NNT: variants seen among roughly 807,000 people sequenced by gnomAD.
NNT encodes the protein nicotinamide nucleotide transhydrogenase.
NNT carries 50 observed loss-of-function variants against 104.8 expected under a neutral mutation model. The ratio of observed to expected loss-of-function variants is 0.48; its 90% CI spans 0.38 to 0.60. The LOEUF is 0.60. Among genes scored for constraint, NNT ranks in the 20% least tolerant of loss-of-function variants. The pLI is 0.00. For synonymous variants in NNT, 461 were observed against 490.4 expected (o/e 0.94, Z 0.79); for missense variants, 1,131 against 1,330.7 (o/e 0.85, Z 2.33).
chr5:43,671,532 T>C (rs1233891913), intron 17 of NNT, among the ~76,000 whole-genome samples: 3 of 152,222 alleles, frequency 2.0e-5, no homozygotes, highest in Non-Finnish European at 4.4e-5. Flanking sequence ...TTATTTCTCC[T>C]TGACTTATGA....
chr5:43,676,159 C>G (rs1302639954), intron 18 of NNT, among the ~76,000 whole-genome samples: 1 of 152,164 alleles, frequency 6.6e-6, no homozygotes, highest in African/African-American at 2.4e-5. Context: ...CGATACCTCA[C>G]TTTTGTTCTT....
intron 19 of NNT, among the ~76,000 whole-genome samples, chr5:43,698,075 GAT>G (rs1021338983): frequency 6.6e-6 from 1 of 150,426 alleles, no homozygotes; most frequent in Non-Finnish European, 1.5e-5. Flanking sequence ...TTTCTCTTTG[GAT>G]ATATACACAC....
At chr5:43,704,227 ACT>A (rs1743000895) in intron 21 of NNT, 26 bp from the exon 22 acceptor site, 3 of 1,527,094 alleles carry the variant, frequency 2.0e-6, no homozygotes, top group African/African-American at 1.4e-5. Flanking sequence ...TGTTAAATAC[ACT>A]CTCTCATTTA....
rs553703784 is a variant in NNT, at chr5:43,650,391, A to G, written c.1607-86A>G. 1.1e-5 allele frequency: 10 copies of G among 916,342 alleles called. No individual in the cohort carries two copies. The South Asian group carries it at 1.5e-4, about 14-fold the overall frequency. 56.8% of individuals were successfully genotyped at this position (916,342 alleles called of 1,614,324 possible). A position where few individuals can be genotyped will look rare whatever the true frequency, so the allele number is the denominator to read the frequency against. Reference sequence around the variant, plus strand: ...ATATTGAGAACTTTACCCTCTATGAATCTATGTATGTGAGGTACTTCAGCT... The same window carrying G: ...ATATTGAGAACTTTACCCTCTATGAGTCTATGTATGTGAGGTACTTCAGCT... On this transcript the variant is annotated intron_variant, in intron 11 of 21. Transcript: ENST00000344920.
intron 20 of NNT, among the ~76,000 whole-genome samples, chr5:43,700,655 A>G (rs1243422467): frequency 1.3e-5 from 2 of 152,160 alleles, no homozygotes; most frequent in Non-Finnish European, 2.9e-5. Context: ...CTGGTTTTCA[A>G]TTGTACTAAC....
intron 17 of NNT, among the ~76,000 whole-genome samples, chr5:43,673,385 A>G (rs1656712610): frequency 6.6e-6 from 1 of 152,200 alleles, no homozygotes; most frequent in Non-Finnish European, 1.5e-5. Context: ...TCATGCTGGT[A>G]GCTGTAGACT....
At chr5:43,696,137 G>A (rs150417609) in intron 19 of NNT, among the ~76,000 whole-genome samples, 58 of 152,248 alleles carry the variant, frequency 3.8e-4, no homozygotes, top group Admixed American at 2.0e-4. Context: ...TATGAGACAA[G>A]GCAAGTCCCT....
rs916911266 is a variant in NNT at position 43,699,477 on chromosome 5, C to T, written c.2877-642C>T. Among the ~76,000 whole-genome samples, 31 of 151,802 alleles carry T rather than the reference C, an allele frequency of 2.0e-4. 1 individual carries two copies. Among genetic ancestry groups the T allele is most frequent in the African/African-American group, 7.5e-4 (31 of 41,260 alleles). ...CAAGTGAGTCTCCTGCCTCAGCCTC[C>T]TGAGTAGCTGGGATTACAGGTGCCC... On this transcript the variant is annotated intron_variant, in intron 19 of 21. Transcript: ENST00000344920.
Position 43,675,520 on chromosome 5 carries a change from C to T in NNT, c.2644C>T (p.Arg882Cys), listed in dbSNP as rs981702449. The T allele has an allele frequency of 6.8e-6, 11 of 1,609,220 alleles. No homozygotes were observed. The highest frequency in any genetic ancestry group is 2.2e-5 in the East Asian group (1 of 44,728). Reference protein sequence around the residue: ...LSYIMCVAMNRSLANVILGGY... With the variant: ...LSYIMCVAMNCSLANVILGGY... ...TAATTTGGCTTTCTAGGCAATGAAT[C>T]GCTCCCTGGCTAATGTGATTCTTGG... The change falls in exon 18 of 22, where the codon CGC (arginine) becomes TGC (cysteine). Residue 882 changes from arginine to cysteine, a missense_variant. Arg to Cys is a radical substitution (Grantham distance 180). Transcript: ENST00000344920.
chr5:43,655,938 G>A lies in NNT; in HGVS notation c.2158G>A (p.Ala720Thr), dbSNP rs960248110. 2 of 1,614,052 alleles carry A rather than the reference G, an allele frequency of 1.2e-6. No individual in the cohort carries two copies. Among genetic ancestry groups the A allele is most frequent in the South Asian group, 2.2e-5 (2 of 91,078 alleles). Residue 720 changes from alanine (A) to threonine (T), a missense_variant, in exon 15 of 22, where the codon GCT becomes ACT. By Grantham distance (58) the Ala-to-Thr change is moderately conservative (BLOSUM62 0). Transcript: ENST00000344920. Reference sequence around the variant, plus strand: ...TTTGGCAGCTGTACTTACTTGCATAGCTGAGTACATTATAGAATATCCACA... The same window carrying A: ...TTTGGCAGCTGTACTTACTTGCATAACTGAGTACATTATAGAATATCCACA... ...VGLAAVLTCI[A>T]EYIIEYPHFA...
chr5:43,663,579 TAGG>T (rs1740482242), intron 17 of NNT, among the ~76,000 whole-genome samples: 1 of 152,224 alleles, frequency 6.6e-6, no homozygotes, highest in Non-Finnish European at 1.5e-5. Flanking sequence ...TAGGAAATTA[TAGG>T]AGATTTATTC....
chr5:43,697,109 T>A (rs1742596059), intron 19 of NNT, among the ~76,000 whole-genome samples: 1 of 152,192 alleles, frequency 6.6e-6, no homozygotes, highest in African/African-American at 2.4e-5. Context: ...CTGCAAAATT[T>A]CCAAACTTTT....
intron 5 of NNT, 49 bp from the exon 6 acceptor site, chr5:43,623,983 A>G (rs752947405): frequency 6.4e-7 from 1 of 1,551,596 alleles, no homozygotes; most frequent in South Asian, 1.1e-5. Flanking sequence ...ATGATTTTTC[A>G]TTATTAGTTG....
At chr5:43,663,357 C>T (rs1028573279) in intron 17 of NNT, among the ~76,000 whole-genome samples, 13 of 152,146 alleles carry the variant, frequency 8.5e-5, no homozygotes, top group African/African-American at 3.1e-4. Context: ...ATTCACCAGT[C>T]AAAGCTCTTA....
rs780778702 is a variant in NNT at position 43,700,245 on chromosome 5, G to C, written c.2995+8G>C. On this transcript the variant is annotated splice_region_variant and intron_variant, in intron 20 of 21. Coordinates refer to ENST00000344920, the MANE Select transcript of NNT (RefSeq NM_182977.3). Reference sequence around the variant, plus strand: ...TCAACCATGATTTTCCAGGTAAGTGGTGGGGGCAATTGTGAAGTTTAAATA... The same window carrying C: ...TCAACCATGATTTTCCAGGTAAGTGCTGGGGGCAATTGTGAAGTTTAAATA... The C allele has an allele frequency of 1.7e-5, 27 of 1,589,076 alleles. No individual in the cohort carries two copies. Among genetic ancestry groups the C allele is most frequent in the Non-Finnish European group, 2.3e-5 (27 of 1,158,226 alleles).
chr5:43,625,344 T>C, intron 6 of NNT, among the ~76,000 whole-genome samples: 1 of 152,168 alleles, frequency 6.6e-6, no homozygotes, highest in East Asian at 1.9e-4. Flanking sequence ...CTGTTGCTTA[T>C]ATTAGAAAAA....
chr5:43,674,601 T>C (rs984036334), intron 17 of NNT, among the ~76,000 whole-genome samples: 5 of 152,216 alleles, frequency 3.3e-5, no homozygotes, highest in African/African-American at 1.2e-4. Flanking sequence ...CAGTTATGAT[T>C]ATGTAGAATG....
Position 43,707,015 on chromosome 5 carries a change from A to T in NNT, c.*2611A>T, listed in dbSNP as rs1256562066. 3 of 152,200 alleles carry T rather than the reference A, an allele frequency of 2.0e-5. 1 individual carries two copies. The highest frequency in any genetic ancestry group is 7.2e-5 in the African/African-American group (3 of 41,440). The allele number at this position is 152,200 out of a possible 1,614,324, so 9.4% of individuals were successfully genotyped here. A position where few individuals can be genotyped will look rare whatever the true frequency, so the allele number is the denominator to read the frequency against. ...GGGATAGCATTAGGAGATATACCTAATGTAAATGATGAGTTAATGGGTGCA... is the reference window on the plus strand; with the variant it reads ...GGGATAGCATTAGGAGATATACCTATTGTAAATGATGAGTTAATGGGTGCA... On this transcript the variant is annotated 3_prime_UTR_variant, in exon 22 of 22. Transcript: ENST00000344920.
intron 4 of NNT, 87 bp from the exon 5 acceptor site, chr5:43,618,945 A>G (rs1749925306): frequency 1.3e-6 from 1 of 755,952 alleles, no homozygotes. Flanking sequence ...CTTTGACAAA[A>G]CTTCATTGAT....
Sources: allele counts gnomAD v4.1 joint callset (sites outside exome capture counted in the v4.1 genomes callset), GRCh38; gene constraint gnomAD v4.1.1; transcripts MANE v1.5; gene names NCBI Gene and HGNC (gene_info 2026-07-23, HGNC 2026-07-21).